FER1L6: variants seen among roughly 807,000 people sequenced by gnomAD.
FER1L6 encodes fer-1 like family member 6.
In FER1L6, 177 loss-of-function variants were observed where a neutral mutation model predicts 219.2. That is an observed-to-expected ratio of 0.81 (90% CI 0.71 to 0.91). The LOEUF (loss-of-function observed/expected upper bound fraction) is 0.91, where lower values mean the gene tolerates loss of function less well. FER1L6 is among the 40% of genes least tolerant of loss of function. FER1L6 has a pLI of 0.00. For missense variants in FER1L6, 2,153 were observed against 2,259.9 expected (o/e 0.95, Z 0.96); for synonymous variants, 768 against 824.3 (o/e 0.93, Z 1.17).
intron 15 of FER1L6, among the ~76,000 whole-genome samples, chr8:124,016,396 T>G (rs565509796): frequency 6.6e-6 from 1 of 152,188 alleles, no homozygotes; most frequent in Non-Finnish European, 1.5e-5. Flanking sequence ...TCTTAGACTT[T>G]CCTTTTTGTT....
chr8:123,900,218 GT>G (rs2129730591), intron 1 of FER1L6, among the ~76,000 whole-genome samples: 1 of 152,118 alleles, frequency 6.6e-6, no homozygotes, highest in East Asian at 1.9e-4. Context: ...CAACTCCTTT[GT>G]TAAGTATTTT....
chr8:123,867,648 T>C (rs1816858175), intron 1 of FER1L6, among the ~76,000 whole-genome samples: 1 of 152,226 alleles, frequency 6.6e-6, no homozygotes, highest in African/African-American at 2.4e-5. Context: ...TGAGTTGATT[T>C]ACCTGCAAAA....
intron 33 of FER1L6, among the ~76,000 whole-genome samples, chr8:124,091,106 T>G (rs1031945877): frequency 7.9e-5 from 12 of 152,206 alleles, no homozygotes; most frequent in Admixed American, 2.6e-4. Context: ...TATACCTCAT[T>G]GTGAATATCC....
intron 1 of FER1L6, among the ~76,000 whole-genome samples, chr8:123,856,647 C>A (rs1450686769): frequency 6.6e-6 from 1 of 151,722 alleles, no homozygotes; most frequent in Non-Finnish European, 1.5e-5. Context: ...CTCATCATGT[C>A]CCCGACTGCC....
intron 33 of FER1L6, among the ~76,000 whole-genome samples, chr8:124,089,447 C>CTT (rs1821928066): frequency 6.6e-6 from 1 of 152,210 alleles, no homozygotes; most frequent in South Asian, 2.1e-4. Context: ...TGCCTCTTTA[C>CTT]TTAATATCAT....
At chr8:124,004,871 A>G (rs968760592) in intron 13 of FER1L6, among the ~76,000 whole-genome samples, 5 of 151,832 alleles carry the variant, frequency 3.3e-5, no homozygotes, top group Non-Finnish European at 7.4e-5. Flanking sequence ...GGTGGCGGGC[A>G]CCTGTGATCC....
At position 124,073,770 on chromosome 8, in the gene FER1L6, C is replaced by T. The variant is rs1366134616; in HGVS notation, c.4092+2139C>T. Among the ~76,000 whole-genome samples, 5 of 152,270 alleles carry T rather than the reference C, an allele frequency of 3.3e-5. No homozygotes were observed. In the East Asian group the frequency reaches 9.7e-4, roughly 29 times the overall value. ...AGTGCCATTGCTCTCATGGAGATTA[C>T]ATACTAGTTGAGAGTGATGTGGGAA... On this transcript the variant is annotated intron_variant, in intron 31 of 40. Transcript: ENST00000522917.
intron 18 of FER1L6, among the ~76,000 whole-genome samples, chr8:124,025,627 C>T (rs1337320824): frequency 6.6e-6 from 1 of 152,004 alleles, no homozygotes; most frequent in African/African-American, 2.4e-5. Flanking sequence ...TAGATTTGTT[C>T]TTTTTCTTTA....
chr8:124,097,437 T>G (rs994923094), intron 36 of FER1L6, 78 bp downstream of exon 36: 1 of 1,063,528 alleles, frequency 9.4e-7, no homozygotes, highest in Admixed American at 1.8e-5. Flanking sequence ...TTATCTGGTG[T>G]CTGACAGGTT....
chr8:123,885,146 G>A (rs563381220), intron 1 of FER1L6, among the ~76,000 whole-genome samples: 1 of 152,320 alleles, frequency 6.6e-6, no homozygotes, highest in Admixed American at 6.5e-5. Context: ...TGAGCCTTCA[G>A]AGGAAACACA....
At chr8:123,910,874 T>C (rs528666882) in intron 1 of FER1L6, among the ~76,000 whole-genome samples, 1 of 152,300 alleles carries the variant, frequency 6.6e-6, no homozygotes, top group African/African-American at 2.4e-5. Flanking sequence ...CTTGAGTTAA[T>C]GCATGAAATT....
chr8:124,003,374 T>C, intron 13 of FER1L6, 27 bp downstream of exon 13: 1 of 1,564,932 alleles, frequency 6.4e-7, no homozygotes, highest in Non-Finnish European at 8.7e-7. Flanking sequence ...GGGAGAACAG[T>C]CAAGGATTTT....
intron 1 of FER1L6, among the ~76,000 whole-genome samples, chr8:123,929,841 C>A (rs1813701169): frequency 6.6e-6 from 1 of 152,090 alleles, no homozygotes; most frequent in Non-Finnish European, 1.5e-5. Flanking sequence ...CTGTAGCATT[C>A]TAAGAGACAT....
intron 1 of FER1L6, among the ~76,000 whole-genome samples, chr8:123,865,296 G>T (rs951782543): frequency 1.3e-5 from 2 of 149,646 alleles, no homozygotes; most frequent in African/African-American, 5.1e-5. Flanking sequence ...GCTGCTCAGG[G>T]GTCAGGGGTC....
Position 124,035,460 on chromosome 8 carries a change from G to A in FER1L6, c.2464+6G>A. 1 of 1,610,276 alleles carries A rather than the reference G, an allele frequency of 6.2e-7. No homozygotes were observed. Among genetic ancestry groups the A allele is most frequent in the East Asian group, 2.2e-5 (1 of 44,794 alleles). On this transcript the variant is annotated splice_donor_region_variant and intron_variant, in intron 19 of 40. Coordinates refer to ENST00000522917, the MANE Select transcript of FER1L6 (RefSeq NM_001039112.2). ...ATCTAACCTGCTCTACCAAGGTAGG[G>A]TCCCCACTGGGCAAAGAGGGTCATT... is the stretch of plus-strand genomic sequence containing the variant.
chr8:124,025,626 T>C (rs376272179), intron 18 of FER1L6, among the ~76,000 whole-genome samples: 8 of 152,218 alleles, frequency 5.3e-5, no homozygotes, highest in African/African-American at 1.4e-4. Flanking sequence ...CTAGATTTGT[T>C]CTTTTTCTTT....
At chr8:123,955,537 G>A (rs968049918) in intron 1 of FER1L6, among the ~76,000 whole-genome samples, 1 of 152,182 alleles carries the variant, frequency 6.6e-6, no homozygotes, top group Non-Finnish European at 1.5e-5. Flanking sequence ...GGCAGGCCTG[G>A]GATCCAGTGG....
intron 11 of FER1L6, chr8:123,985,259 T>G (rs1816515053): frequency 1.3e-5 from 2 of 152,234 alleles, no homozygotes; most frequent in Admixed American, 1.3e-4. Context: ...TTGGAGTAGA[T>G]GAACTCGAAG....
chr8:123,950,192 A>G (rs1271813002), intron 1 of FER1L6, among the ~76,000 whole-genome samples: 2 of 152,104 alleles, frequency 1.3e-5, no homozygotes, highest in East Asian at 3.9e-4. Context: ...TGACTTGCCA[A>G]TATTTGTTTC....
Sources: gnomAD v4.1 joint callset for allele counts (sites outside exome capture counted in the v4.1 genomes callset) on GRCh38, gnomAD v4.1.1 for gene constraint, MANE v1.5 for transcripts, NCBI Gene and HGNC (gene_info 2026-07-23, HGNC 2026-07-21) for gene names.